IL20RB: variants seen among roughly 807,000 people sequenced by gnomAD.
The protein encoded by IL20RB is interleukin 20 receptor subunit beta.
In IL20RB, 21 loss-of-function variants were observed where a neutral mutation model predicts 33.3. That is an observed-to-expected ratio of 0.63 (90% CI 0.45 to 0.91). The LOEUF (loss-of-function observed/expected upper bound fraction) is 0.91. Ranked by LOEUF, IL20RB falls within the 40% of genes least tolerant of loss-of-function variation. The probability of loss-of-function intolerance (pLI) is 0.00; values close to 1 mark genes in which losing one functional copy is unlikely to be tolerated. For synonymous variants in IL20RB, 147 were observed against 146.8 expected (o/e 1.00, Z -0.01); for missense variants, 345 against 384.8 (o/e 0.90, Z 0.86).
At chr3:136,991,864 G>A in intron 4 of IL20RB, 74 bp from the exon 5 acceptor site, 1 of 1,516,342 alleles carries the variant, frequency 6.6e-7, no homozygotes, top group Non-Finnish European at 9.0e-7. Context: ...CCCGCCTCAG[G>A]CTCCCAAAGT....
intron 6 of IL20RB, among the ~76,000 whole-genome samples, chr3:136,997,447 T>G (rs1942152361): frequency 6.6e-6 from 1 of 152,182 alleles, no homozygotes; most frequent in Admixed American, 6.5e-5. Flanking sequence ...CTGTTTTAAG[T>G]GTATTCATAT....
intron 3 of IL20RB, among the ~76,000 whole-genome samples, chr3:136,983,034 T>G (rs1941819019): frequency 1.3e-5 from 2 of 151,726 alleles, no homozygotes; most frequent in African/African-American, 4.8e-5. Context: ...GACACGAAGC[T>G]TGACCAAGTC....
chr3:137,007,635 A>G (rs1283444599), intron 6 of IL20RB, among the ~76,000 whole-genome samples: 2 of 152,150 alleles, frequency 1.3e-5, no homozygotes, highest in African/African-American at 4.8e-5. Context: ...AGTTGCTAAG[A>G]CCTTGGGAAA....
chr3:137,002,073 C>A (rs945053115), intron 6 of IL20RB, among the ~76,000 whole-genome samples: 2 of 152,088 alleles, frequency 1.3e-5, no homozygotes, highest in Admixed American at 6.5e-5. Flanking sequence ...TGGTTTCCAG[C>A]TTCATCCATG....
chr3:136,974,429 G>A (rs964970206), intron 1 of IL20RB, among the ~76,000 whole-genome samples: 1 of 152,102 alleles, frequency 6.6e-6, no homozygotes, highest in Non-Finnish European at 1.5e-5. Flanking sequence ...TGGCTAGCAG[G>A]TTTTTCTTTT....
chr3:136,972,121 C>T (rs1001804746), intron 1 of IL20RB, among the ~76,000 whole-genome samples: 2 of 152,108 alleles, frequency 1.3e-5, no homozygotes, highest in African/African-American at 2.4e-5. Flanking sequence ...TATCTGTTGG[C>T]CATTTGTATA....
In IL20RB at chr3:136,989,584, C is replaced by T; in HGVS notation, c.531+19C>T. 1 of 1,613,030 alleles carries T rather than the reference C, an allele frequency of 6.2e-7. No homozygotes were observed. ...TGCCGAGGTGAGACTCCAGCCTTGG[C>T]CTTTGGGTCAGGCTTCGGGAAAGAA... On this transcript the variant is annotated intron_variant, in intron 4 of 6. Coordinates refer to ENST00000329582, the MANE Select transcript of IL20RB (RefSeq NM_144717.4).
chr3:136,990,624 T>C (rs1942013623), intron 4 of IL20RB, among the ~76,000 whole-genome samples: 1 of 152,202 alleles, frequency 6.6e-6, no homozygotes, highest in African/African-American at 2.4e-5. Context: ...CCAATTGGTC[T>C]TGCTCGTCTT....
At chr3:136,987,279 G>C (rs1267354380) in intron 3 of IL20RB, among the ~76,000 whole-genome samples, 1 of 151,822 alleles carries the variant, frequency 6.6e-6, no homozygotes, top group Admixed American at 6.6e-5. Flanking sequence ...GGTTCTCCAC[G>C]TCCCCACCAG....
intron 1 of IL20RB, among the ~76,000 whole-genome samples, chr3:136,973,088 A>G (rs1941527751): frequency 6.6e-6 from 1 of 152,106 alleles, no homozygotes; most frequent in South Asian, 2.1e-4. Context: ...ATTTCCATGT[A>G]CTTAAACTGG....
intron 6 of IL20RB, among the ~76,000 whole-genome samples, chr3:137,001,936 C>T (rs1942251442): frequency 6.6e-6 from 1 of 152,154 alleles, no homozygotes; most frequent in Non-Finnish European, 1.5e-5. Context: ...AAGTCCACCT[C>T]CTGACAGGCC....
At chr3:136,963,692 T>TTTTA (rs141567339) in intron 1 of IL20RB, among the ~76,000 whole-genome samples, 4 of 132,318 alleles carry the variant, frequency 3.0e-5, no homozygotes, top group African/African-American at 8.6e-5. Context: ...TTTTTTTTTT[T>TTTTA]ATTTTTTTTT....
At position 136,982,984 on chromosome 3, in the gene IL20RB, A is replaced by G. The variant is rs571209577; in HGVS notation, c.406+634A>G. Among the ~76,000 whole-genome samples, 396 of 152,282 alleles carry G rather than the reference A, an allele frequency of 2.6e-3. 4 individuals are homozygous for G. Among genetic ancestry groups the G allele is most frequent in the African/African-American group, 8.3e-3 (345 of 41,558 alleles). ...ACAGGAGAGGCAAGGGCTGATGGGC[A>G]GGGGGTAGGGAAGCAGTTGATCATG... On this transcript the variant is annotated intron_variant, in intron 3 of 6. Transcript: ENST00000329582.
chr3:136,997,117 A>C (rs2108214154), intron 6 of IL20RB, among the ~76,000 whole-genome samples: 1 of 148,630 alleles, frequency 6.7e-6, no homozygotes, highest in East Asian at 2.0e-4. Flanking sequence ...TTTTTTTTCG[A>C]GACGGAGTTT....
intron 6 of IL20RB, among the ~76,000 whole-genome samples, chr3:136,998,836 A>G (rs1432131317): frequency 6.6e-6 from 1 of 151,950 alleles, no homozygotes; most frequent in Non-Finnish European, 1.5e-5. Flanking sequence ...TACTACTTTA[A>G]AAGTATTGTT....
At chr3:137,007,707 C>T (rs766130232) in intron 6 of IL20RB, among the ~76,000 whole-genome samples, 11 of 152,228 alleles carry the variant, frequency 7.2e-5, no homozygotes, top group Non-Finnish European at 1.3e-4. Context: ...CTTCCCTTGG[C>T]TAGGAAAGGG....
At chr3:137,008,735 T>G (rs753570591) in intron 6 of IL20RB, among the ~76,000 whole-genome samples, 10 of 152,132 alleles carry the variant, frequency 6.6e-5, no homozygotes, top group African/African-American at 9.7e-5. Flanking sequence ...AAAGGCAGAA[T>G]AAAACAAGAA....
Position 136,992,106 on chromosome 3 carries a change from G to T in IL20RB, c.682+18G>T. The T allele has an allele frequency of 6.2e-7, 1 of 1,613,298 alleles. No homozygotes were observed. The highest frequency in any genetic ancestry group is 8.5e-7 in the Non-Finnish European group (1 of 1,179,620). On this transcript the variant is annotated intron_variant, in intron 5 of 6. Coordinates refer to ENST00000329582, the MANE Select transcript of IL20RB (RefSeq NM_144717.4). ...GGTGCAAGGTAAGGATGGCTTCTCT[G>T]TCCCTGGAGCCCTGCACAGGTGATA...
rs866178916 is a variant in IL20RB at position 136,987,959 on chromosome 3, C to T, written c.407-1482C>T. ...GCCGCGTGCAGCCCCGGTTCCAGCT[C>T]GCGCCTCTCCCTCCACACCTCCCTG... is the stretch of plus-strand genomic sequence containing the variant. On this transcript the variant is annotated intron_variant, in intron 3 of 6. Transcript: ENST00000329582. Among the ~76,000 whole-genome samples the T allele has an allele frequency of 4.6e-5, 7 of 152,298 alleles. No homozygotes were observed. In the Middle Eastern group the frequency reaches 0.014, roughly 296 times the overall value.
Sources: gnomAD v4.1 joint callset for allele counts (sites outside exome capture counted in the v4.1 genomes callset) on GRCh38, gnomAD v4.1.1 for gene constraint, MANE v1.5 for transcripts, NCBI Gene and HGNC (gene_info 2026-07-23, HGNC 2026-07-21) for gene names.